WDR49: variants seen among roughly 807,000 people sequenced by gnomAD.
The protein encoded by WDR49 is WD repeat domain 49.
In WDR49, 107 loss-of-function variants were observed where a neutral mutation model predicts 119.5. The ratio of observed to expected loss-of-function variants is 0.90; its 90% CI spans 0.77 to 1.05. The LOEUF is 1.05. WDR49 is among the 50% of genes least tolerant of loss of function. The probability of loss-of-function intolerance (pLI) is 0.00; values close to 1 mark genes in which losing one functional copy is unlikely to be tolerated. For missense variants in WDR49, 1,240 were observed against 1,220.5 expected, an observed-to-expected ratio of 1.02 and a Z score of -0.24; for synonymous variants, 425 against 418.8, an observed-to-expected ratio of 1.01 and a Z score of -0.18.
chr3:167,629,369 A>C (rs1274930829), intron 2 of WDR49, among the ~76,000 whole-genome samples: 1 of 152,122 alleles, frequency 6.6e-6, no homozygotes, highest in Non-Finnish European at 1.5e-5. Context: ...CCCACTGCTA[A>C]GACGTACTGC....
intron 5 of WDR49, among the ~76,000 whole-genome samples, chr3:167,615,658 A>G (rs1430108753): frequency 1.3e-5 from 2 of 152,124 alleles, no homozygotes; most frequent in Non-Finnish European, 2.9e-5. Context: ...TTAATTAGAG[A>G]CACAAGTGAA....
intron 10 of WDR49, among the ~76,000 whole-genome samples, chr3:167,544,153 A>G (rs974996458): frequency 6.6e-6 from 1 of 152,074 alleles, no homozygotes; most frequent in African/African-American, 2.4e-5. Flanking sequence ...AACACTGCTG[A>G]AAGAAATCAT....
At chr3:167,511,719 G>T (rs2108220403) in intron 16 of WDR49, among the ~76,000 whole-genome samples, 1 of 152,306 alleles carries the variant, frequency 6.6e-6, no homozygotes, top group African/African-American at 2.4e-5. Context: ...CAAGTACCCA[G>T]AGGGAGGGGC....
chr3:167,529,988 G>C (rs1472708493), intron 13 of WDR49, among the ~76,000 whole-genome samples: 1 of 151,994 alleles, frequency 6.6e-6, no homozygotes, highest in Non-Finnish European at 1.5e-5. Context: ...ATAACATGTA[G>C]CTGCTTCAGT....
intron 12 of WDR49, among the ~76,000 whole-genome samples, chr3:167,531,509 C>T (rs1027783913): frequency 6.6e-6 from 1 of 152,080 alleles, no homozygotes; most frequent in African/African-American, 2.4e-5. Context: ...GCTCTGTTTT[C>T]ACTTGATATG....
At chr3:167,579,943 A>G (rs1056701690) in intron 7 of WDR49, among the ~76,000 whole-genome samples, 1 of 152,166 alleles carries the variant, frequency 6.6e-6, no homozygotes, top group Admixed American at 6.5e-5. Context: ...ATAGTTGAAT[A>G]CACATTGACA....
Position 167,497,047 on chromosome 3 carries a change from T to C in WDR49, c.3031+3106A>G, listed in dbSNP as rs554418180. Among the ~76,000 whole-genome samples, 4 of 152,320 alleles carry C rather than the reference T, an allele frequency of 2.6e-5. No individual in the cohort carries two copies. In the East Asian group the frequency reaches 7.7e-4, roughly 29 times the overall value. ...CCTTCCTCACTATTTCCTTGTTTTCTCCCTCACCTTTGACCTCCTACTCAT... is the reference window on the plus strand; with the variant it reads ...CCTTCCTCACTATTTCCTTGTTTTCCCCCTCACCTTTGACCTCCTACTCAT... On this transcript the variant is annotated intron_variant, in intron 18 of 18. Transcript: ENST00000682715.
At chr3:167,602,298 A>G (rs768534519) in intron 6 of WDR49, 23 bp from the exon 7 acceptor site, 11 of 1,550,218 alleles carry the variant, frequency 7.1e-6, no homozygotes, top group Non-Finnish European at 8.8e-6. Context: ...AGAAAGAAAA[A>G]AAATGTTTTT....
chr3:167,608,463 A>G (rs1716169562), intron 5 of WDR49, among the ~76,000 whole-genome samples: 1 of 152,210 alleles, frequency 6.6e-6, no homozygotes, highest in African/African-American at 2.4e-5. Flanking sequence ...TTTAAGATTT[A>G]AATCTGCAGG....
intron 12 of WDR49, among the ~76,000 whole-genome samples, chr3:167,532,531 A>T (rs1376050255): frequency 5.3e-5 from 8 of 152,006 alleles, no homozygotes; most frequent in Admixed American, 5.3e-4. Context: ...ATGAATTTCC[A>T]TTTTTTTACC....
At chr3:167,619,993 A>C (rs2108320797) in intron 5 of WDR49, among the ~76,000 whole-genome samples, 1 of 152,206 alleles carries the variant, frequency 6.6e-6, no homozygotes. Flanking sequence ...AAGAAAATTA[A>C]GACAATTCAA....
chr3:167,517,746 T>C (rs1752276414), intron 16 of WDR49, among the ~76,000 whole-genome samples: 1 of 150,686 alleles, frequency 6.6e-6, no homozygotes, highest in Admixed American at 6.6e-5. Context: ...TTTTTATTAT[T>C]ATTATACTTT....
At chr3:167,497,750 G>T (rs1408506594) in intron 18 of WDR49, among the ~76,000 whole-genome samples, 1 of 152,012 alleles carries the variant, frequency 6.6e-6, no homozygotes, top group Non-Finnish European at 1.5e-5. Context: ...CCTCCTGAAT[G>T]CCTACCCTGT....
intron 12 of WDR49, 110 bp downstream of exon 12, chr3:167,532,769 T>C: frequency 4.4e-6 from 3 of 683,844 alleles, no homozygotes; most frequent in South Asian, 2.2e-5. Context: ...TTCAGGCTTA[T>C]AGCCAATCAT....
At chr3:167,599,544 C>A (rs1715657650) in intron 7 of WDR49, among the ~76,000 whole-genome samples, 2 of 152,176 alleles carry the variant, frequency 1.3e-5, no homozygotes. Context: ...CACCTAGAAT[C>A]ATGGACCCGC....
rs765483546 is a variant in WDR49 at position 167,576,073 on chromosome 3, T to C, written c.1354A>G (p.Arg452Gly). 6.2e-7 allele frequency: 1 copy of C among 1,614,152 alleles called. No homozygotes were observed. The highest frequency in any genetic ancestry group is 8.5e-7 in the Non-Finnish European group (1 of 1,180,018). ...GCTTCATCAAAGTGGAAGAGACATC[T>C]GAAGTCCTGACTTTTGGGGAAAGAA... ...ACSFPKSQDFRCLFHFDEAHG... is the reference protein window; with the variant it reads ...ACSFPKSQDFGCLFHFDEAHG... Residue 452 changes from arginine (R) to glycine (G), a missense_variant, in exon 8 of 19, where the codon AGA becomes GGA. Arg to Gly is a moderately radical substitution (Grantham distance 125). Coordinates refer to ENST00000682715, the MANE Select transcript of WDR49 (RefSeq NM_001366157.1).
At chr3:167,531,363 T>G in intron 12 of WDR49, 84 bp from the exon 13 acceptor site, 1 of 1,431,338 alleles carries the variant, frequency 7.0e-7, no homozygotes, top group South Asian at 1.2e-5. Flanking sequence ...CAGGCCCACA[T>G]CTATCACTAT....
intron 2 of WDR49, among the ~76,000 whole-genome samples, chr3:167,640,873 C>G (rs781305345): frequency 2.2e-4 from 34 of 151,564 alleles, no homozygotes; most frequent in Non-Finnish European, 4.4e-5. Flanking sequence ...TCGAGAAAAC[C>G]CCACAGGCAA....
intron 8 of WDR49, chr3:167,575,016 C>T (rs956632656): frequency 1.4e-5 from 14 of 981,494 alleles, no homozygotes; most frequent in Non-Finnish European, 1.6e-5. Context: ...GGCTTTCCAC[C>T]CCTTGCGCAA....
Sources: gnomAD v4.1 joint callset for allele counts (sites outside exome capture counted in the v4.1 genomes callset) on GRCh38, gnomAD v4.1.1 for gene constraint, MANE v1.5 for transcripts, NCBI Gene and HGNC (gene_info 2026-07-23, HGNC 2026-07-21) for gene names.